Variants in TMCC1 observed in about 807,000 individuals in gnomAD.
TMCC1 encodes transmembrane and coiled-coil domains protein 1.
TMCC1 carries 15 observed loss-of-function variants against 52.4 expected under a neutral mutation model. The observed-to-expected ratio is 0.29, with a 90% CI of 0.19 to 0.44. The LOEUF (loss-of-function observed/expected upper bound fraction) is 0.44, where lower values mean the gene tolerates loss of function less well. TMCC1 is among the 20% of genes least tolerant of loss of function. TMCC1 has a pLI of 1.00. For synonymous variants in TMCC1, 279 were observed against 301.9 expected (o/e 0.92, Z 0.79); for missense variants, 503 against 806.0 (o/e 0.62, Z 4.55).
At chr3:129,686,161 T>C (rs2089392467) in intron 4 of TMCC1, among the ~76,000 whole-genome samples, 1 of 152,188 alleles carries the variant, frequency 6.6e-6, no homozygotes, top group African/African-American at 2.4e-5. Flanking sequence ...AATACTTAAA[T>C]TCTTTTAGTA....
intron 4 of TMCC1, among the ~76,000 whole-genome samples, chr3:129,791,088 ATTTTTTTTTTTT>A (rs34048545): frequency 1.2e-5 from 1 of 82,968 alleles, no homozygotes; most frequent in Non-Finnish European, 2.6e-5. Context: ...ACACTCCATA[ATTTTTTTTTTTT>A]TTTTTTTTTT....
At chr3:129,781,704 A>G (rs2055547371) in intron 4 of TMCC1, among the ~76,000 whole-genome samples, 1 of 152,112 alleles carries the variant, frequency 6.6e-6, no homozygotes, top group Non-Finnish European at 1.5e-5. Flanking sequence ...CCTAAATACC[A>G]TGTAAGAGTG....
chr3:129,670,439 C>T lies in TMCC1; in HGVS notation c.1402G>A (p.Glu468Lys), dbSNP rs765853995. 6.6e-5 allele frequency: 107 copies of T among 1,614,062 alleles called. No homozygotes were observed. Among genetic ancestry groups the T allele is most frequent in the Non-Finnish European group, 8.8e-5 (104 of 1,180,034 alleles). ...AGTCTGGCCTGGGTTTCCCGGATCT[C>T]CTGGATCTCATGTAGTAGTGCATCA... Reference protein sequence around the residue: ...GFDALLHEIQEIRETQARLEE... With the variant: ...GFDALLHEIQKIRETQARLEE... Residue 468 changes from glutamate to lysine, a missense_variant, in exon 5 of 7, where the codon GAG becomes AAG. Coordinates refer to ENST00000393238, the MANE Select transcript of TMCC1 (RefSeq NM_001017395.5).
Position 129,834,686 on chromosome 3 carries a change from T to TG in TMCC1, c.-183-1861dup, listed in dbSNP as rs755918692. On this transcript the variant is annotated intron_variant, in intron 2 of 6. Transcript: ENST00000393238. The stretch of plus-strand genomic sequence containing the variant: ...TTAGAAAAAGATGACAAGGAAGAGC[T>TG]GAGCCCATTAGTATGGCTGGGAATG... Among the ~76,000 whole-genome samples the TG allele has an allele frequency of 4.6e-5, 7 of 152,226 alleles. No individual in the cohort carries two copies. The East Asian group carries it at 1.4e-3, about 29-fold the overall frequency.
chr3:129,704,575 C>T (rs577842226), intron 4 of TMCC1, among the ~76,000 whole-genome samples: 11 of 152,222 alleles, frequency 7.2e-5, no homozygotes, highest in South Asian at 6.2e-4. Context: ...CATGCCACGA[C>T]GCCCGGCTAA....
At chr3:129,754,420 T>A (rs1286464687) in intron 4 of TMCC1, among the ~76,000 whole-genome samples, 2 of 152,156 alleles carry the variant, frequency 1.3e-5, no homozygotes, top group Non-Finnish European at 2.9e-5. Context: ...CAAACCATTC[T>A]GGAAAAGAAG....
chr3:129,788,341 A>G (rs567530352), intron 4 of TMCC1, among the ~76,000 whole-genome samples: 13 of 152,332 alleles, frequency 8.5e-5, no homozygotes, highest in African/African-American at 2.4e-4. Flanking sequence ...AGAATTATAC[A>G]TATTTCTAAA....
intron 4 of TMCC1, among the ~76,000 whole-genome samples, chr3:129,735,533 T>C (rs1021087626): frequency 1.3e-5 from 2 of 151,428 alleles, no homozygotes; most frequent in Admixed American, 6.6e-5. Context: ...CCTGTAGTCC[T>C]AGCTACTTGG....
chr3:129,674,277 G>T (rs2108897340), intron 4 of TMCC1, among the ~76,000 whole-genome samples: 1 of 152,256 alleles, frequency 6.6e-6, no homozygotes, highest in East Asian at 1.9e-4. Flanking sequence ...TCCTACTTGG[G>T]CTGTTTGGAG....
chr3:129,797,723 C>T (rs554231258), intron 4 of TMCC1, among the ~76,000 whole-genome samples: 10 of 152,172 alleles, frequency 6.6e-5, no homozygotes, highest in Admixed American at 3.9e-4. Context: ...CCAGCCTGGG[C>T]GACAGAGAGA....
intron 2 of TMCC1, among the ~76,000 whole-genome samples, chr3:129,843,357 G>A (rs2059511992): frequency 6.6e-6 from 1 of 151,452 alleles, no homozygotes; most frequent in Non-Finnish European, 1.5e-5. Context: ...AAAAAAAAAA[G>A]AAGGAAAAAA....
At chr3:129,854,536 T>A (rs2107912166) in intron 2 of TMCC1, among the ~76,000 whole-genome samples, 1 of 152,174 alleles carries the variant, frequency 6.6e-6, no homozygotes, top group African/African-American at 2.4e-5. Context: ...GACAGGCCTC[T>A]CTCTTCACCT....
chr3:129,871,247 T>C (rs2107964555), intron 2 of TMCC1, among the ~76,000 whole-genome samples: 1 of 151,634 alleles, frequency 6.6e-6, no homozygotes, highest in African/African-American at 2.4e-5. Flanking sequence ...TAATCCCAGT[T>C]ACTTGGGAGG....
intron 4 of TMCC1, among the ~76,000 whole-genome samples, chr3:129,776,654 G>T (rs1477693397): frequency 1.3e-5 from 2 of 152,266 alleles, no homozygotes; most frequent in Non-Finnish European, 2.9e-5. Context: ...TGGAGGCAGG[G>T]TCTCGCTCTA....
At chr3:129,778,249 A>T (rs2055204135) in intron 4 of TMCC1, among the ~76,000 whole-genome samples, 1 of 152,206 alleles carries the variant, frequency 6.6e-6, no homozygotes, top group Non-Finnish European at 1.5e-5. Flanking sequence ...AATATTCATA[A>T]TCCATTTAGT....
At chr3:129,841,475 T>G (rs1434069020) in intron 2 of TMCC1, among the ~76,000 whole-genome samples, 1 of 152,132 alleles carries the variant, frequency 6.6e-6, no homozygotes, top group African/African-American at 2.4e-5. Flanking sequence ...TAGTCCCAGC[T>G]TGGGAGGCTG....
intron 4 of TMCC1, among the ~76,000 whole-genome samples, chr3:129,746,821 G>A (rs1028304987): frequency 6.6e-6 from 1 of 152,144 alleles, no homozygotes; most frequent in Admixed American, 6.5e-5. Context: ...CCTGTGCAAT[G>A]CCCTGAACAC....
intron 4 of TMCC1, among the ~76,000 whole-genome samples, chr3:129,769,278 G>A (rs1219693467): frequency 6.6e-6 from 1 of 152,204 alleles, no homozygotes; most frequent in Non-Finnish European, 1.5e-5. Flanking sequence ...CACCCAGACT[G>A]GAGTGCAGTG....
intron 5 of TMCC1, among the ~76,000 whole-genome samples, chr3:129,657,281 T>G (rs1022153135): frequency 6.6e-6 from 1 of 152,148 alleles, no homozygotes; most frequent in Non-Finnish European, 1.5e-5. Flanking sequence ...GGAATCTTAT[T>G]TGATATTAAA....
Sources: allele counts gnomAD v4.1 joint callset (sites outside exome capture counted in the v4.1 genomes callset), GRCh38; gene constraint gnomAD v4.1.1; transcripts MANE v1.5; gene names NCBI Gene and HGNC (gene_info 2026-07-23, HGNC 2026-07-21).